The following ARPC5 variants were observed in gnomAD, a reference collection of about 807,000 sequenced individuals.
ARPC5 encodes the protein actin related protein 2/3 complex subunit 5.
In ARPC5, 5 loss-of-function variants were observed where a neutral mutation model predicts 15.4. The ratio of observed to expected loss-of-function variants is 0.32; its 90% CI spans 0.17 to 0.68. The LOEUF (loss-of-function observed/expected upper bound fraction) is 0.68, where lower values mean the gene tolerates loss of function less well. Among genes scored for constraint, ARPC5 ranks in the 30% least tolerant of loss-of-function variants. The pLI, the probability that ARPC5 is intolerant of heterozygous loss-of-function variation, is 0.71. For missense variants in ARPC5, 138 were observed against 192.8 expected, an observed-to-expected ratio of 0.72 and a Z score of 1.68; for synonymous variants, 85 against 72.2, an observed-to-expected ratio of 1.18 and a Z score of -0.90.
At chr1:183,635,246 G>A (rs926122460) in intron 1 of ARPC5, among the ~76,000 whole-genome samples, 4 of 152,248 alleles carry the variant, frequency 2.6e-5, no homozygotes, top group Non-Finnish European at 4.4e-5. Flanking sequence ...CAGGCACTCG[G>A]GTGCAACCTG....
rs3068220 is a variant in ARPC5 at position 183,628,172 on chromosome 1, C to CAAAAAAAAAAAAAAAAAA, written c.394-596_394-579dup. Among the ~76,000 whole-genome samples the CAAAAAAAAAAAAAAAAAA allele has an allele frequency of 4.3e-5, 2 of 46,044 alleles. 1 individual carries two copies. The highest frequency in any genetic ancestry group is 9.6e-5 in the Non-Finnish European group (2 of 20,804). 30.2% of individuals were successfully genotyped at this position (46,044 alleles called of 152,430 possible). On this transcript the variant is annotated intron_variant, in intron 3 of 3. Transcript: ENST00000359856. ...TGGGCGACAGAGCAAGACTCCGTCT[C>CAAAAAAAAAAAAAAAAAA]AAAAAAAAAAAAAAAAAAAAAAAAA...
rs1648969243 is a variant in ARPC5, at chr1:183,622,608, TAGA to T, written c.*4921_*4923del. ...GGGTATTGGGTCACATCTCTGCTCT[TAGA>T]AGGTGATGCCACAGAATAATGAACA... On this transcript the variant is annotated 3_prime_UTR_variant, in exon 4 of 4. Coordinates refer to ENST00000359856, the MANE Select transcript of ARPC5 (RefSeq NM_005717.4). 2 of 152,250 alleles carry T rather than the reference TAGA, an allele frequency of 1.3e-5. No homozygotes were observed. Among genetic ancestry groups the T allele is most frequent in the African/African-American group, 2.4e-5 (1 of 41,464 alleles). 9.4% of individuals were successfully genotyped at this position (152,250 alleles called of 1,614,324 possible). A position where few individuals can be genotyped will look rare whatever the true frequency, so the allele number is the denominator to read the frequency against.
intron 2 of ARPC5, 68 bp downstream of exon 2, chr1:183,633,014 C>A: frequency 1.7e-6 from 2 of 1,169,624 alleles, no homozygotes; most frequent in Non-Finnish European, 2.4e-6. Flanking sequence ...TTTTTTTTTG[C>A]AACTGCAGAG....
rs1649090409 is a variant in ARPC5 at position 183,626,214 on chromosome 1, T to C, written c.*1318A>G. ...AAAATAAATTATTCAACACTGACATTTTATTTTCTGAAGTTTTATCATTTT... is the reference window on the plus strand; with the variant it reads ...AAAATAAATTATTCAACACTGACATCTTATTTTCTGAAGTTTTATCATTTT... On this transcript the variant is annotated 3_prime_UTR_variant, in exon 4 of 4. Transcript: ENST00000359856. 1 of 152,240 alleles carries C rather than the reference T, an allele frequency of 6.6e-6. No homozygotes were observed. Among genetic ancestry groups the C allele is most frequent in the Non-Finnish European group, 1.5e-5 (1 of 68,048 alleles). The allele number at this position is 152,240 out of a possible 1,614,324, so 9.4% of individuals were successfully genotyped here. A position where few individuals can be genotyped will look rare whatever the true frequency, so the allele number is the denominator to read the frequency against.
At position 183,621,807 on chromosome 1, in the gene ARPC5, C is replaced by T. The variant is rs1648945483; in HGVS notation, c.*5725G>A. 6.6e-6 allele frequency: 1 copy of T among 152,204 alleles called. No homozygotes were observed. Among genetic ancestry groups the T allele is most frequent in the Admixed American group, 6.5e-5 (1 of 15,278 alleles). 9.4% of individuals were successfully genotyped at this position (152,204 alleles called of 1,614,324 possible). ...AGGCAGAGGTCACTTTCATTGCCAT[C>T]TTGGATTTGGTGGGTTTTGGCCAGC... On this transcript the variant is annotated 3_prime_UTR_variant, in exon 4 of 4. Coordinates refer to ENST00000359856, the MANE Select transcript of ARPC5 (RefSeq NM_005717.4).
chr1:183,632,433 GAA>G (rs996115402), intron 2 of ARPC5: 6 of 150,436 alleles, frequency 4.0e-5, no homozygotes, highest in African/African-American at 1.5e-4. Flanking sequence ...TTTACAATAG[GAA>G]AAAAAAAGTC....
rs1649230809 is a variant in ARPC5, at chr1:183,630,501, G to T, written c.353C>A (p.Ser118Tyr). ...CAGTAACATAGCACTGCTATTGTCA[G>T]ACGGGCTCTCAAATCCTTTATAAAT... ...KYIYKGFESP[S>Y]DNSSAMLLQW... is the part of the protein sequence containing the mutation. Residue 118 changes from serine (S) to tyrosine (Y), a missense_variant, in exon 3 of 4, where the codon TCT becomes TAT. Transcript: ENST00000359856. The T allele has an allele frequency of 1.2e-6, 2 of 1,613,632 alleles. No homozygotes were observed. The highest frequency in any genetic ancestry group is 1.3e-5 in the African/African-American group (1 of 74,916).
Position 183,627,710 on chromosome 1 carries a change from A to C in ARPC5, c.394-116T>G. On this transcript the variant is annotated intron_variant, in intron 3 of 3. Coordinates refer to ENST00000359856, the MANE Select transcript of ARPC5 (RefSeq NM_005717.4). ...CACTGCTATAGACCCTGAATTTATT[A>C]GTTAACAAATAATAAATTCTTGAGC... 3.7e-6 allele frequency: 3 copies of C among 800,990 alleles called. No homozygotes were observed. In the South Asian group the frequency reaches 4.3e-5, roughly 12 times the overall value. The allele number at this position is 800,990 out of a possible 1,614,324, so 49.6% of individuals were successfully genotyped here.
chr1:183,632,997 A>G (rs1476775220), intron 2 of ARPC5, 85 bp downstream of exon 2: 9 of 1,053,054 alleles, frequency 8.5e-6, no homozygotes, highest in Non-Finnish European at 1.4e-6. Flanking sequence ...AACAGTTAAA[A>G]TATTGATTTT....
Position 183,623,504 on chromosome 1 carries a change from C to T in ARPC5, c.*4028G>A. ...GAACGTTTTCACATTGGGGTTTTCA[C>T]ATATTGTACTAGTGACATTGGGGTG... On this transcript the variant is annotated 3_prime_UTR_variant, in exon 4 of 4. Coordinates refer to ENST00000359856, the MANE Select transcript of ARPC5 (RefSeq NM_005717.4). 3 of 1,550,146 alleles carry T rather than the reference C, an allele frequency of 1.9e-6. No homozygotes were observed. Among genetic ancestry groups the T allele is most frequent in the Non-Finnish European group, 2.6e-6 (3 of 1,146,800 alleles).
Position 183,623,382 on chromosome 1 carries a change from G to A in ARPC5, c.*4150C>T. ...TGCTTGTGGTTGGATCATCAATGTG[G>A]TGAAGTAGCACCACCTTGAGGCAGA... On this transcript the variant is annotated 3_prime_UTR_variant, in exon 4 of 4. Coordinates refer to ENST00000359856, the MANE Select transcript of ARPC5 (RefSeq NM_005717.4). 1.3e-6 allele frequency: 2 copies of A among 1,546,958 alleles called. No individual in the cohort carries two copies. The highest frequency in any genetic ancestry group is 1.4e-5 in the African/African-American group (1 of 73,076).
rs763931266 is a variant in ARPC5 at position 183,623,886 on chromosome 1, G to A, written c.*3646C>T. 2.8e-5 allele frequency: 6 copies of A among 212,570 alleles called. No individual in the cohort carries two copies. Among genetic ancestry groups the A allele is most frequent in the Admixed American group, 5.4e-5 (1 of 18,630 alleles). 13.2% of individuals were successfully genotyped at this position (212,570 alleles called of 1,614,324 possible). A position where few individuals can be genotyped will look rare whatever the true frequency, so the allele number is the denominator to read the frequency against. ...AAAAATACAAAAATTAGCTGGGCACGGTGATGCGTGCCTGTAATCCGAGCT... is the reference window on the plus strand; with the variant it reads ...AAAAATACAAAAATTAGCTGGGCACAGTGATGCGTGCCTGTAATCCGAGCT... On this transcript the variant is annotated 3_prime_UTR_variant, in exon 4 of 4. Transcript: ENST00000359856.
In ARPC5 at chr1:183,623,502, C is replaced by T; in HGVS notation, c.*4030G>A. The T allele has an allele frequency of 1.3e-6, 2 of 1,550,132 alleles. No individual in the cohort carries two copies. Among genetic ancestry groups the T allele is most frequent in the South Asian group, 2.4e-5 (2 of 84,044 alleles). On this transcript the variant is annotated 3_prime_UTR_variant, in exon 4 of 4. Transcript: ENST00000359856. ...CAGAACGTTTTCACATTGGGGTTTT[C>T]ACATATTGTACTAGTGACATTGGGG...
intron 3 of ARPC5, among the ~76,000 whole-genome samples, chr1:183,627,931 T>C (rs1180219584): frequency 6.6e-6 from 1 of 151,836 alleles, no homozygotes; most frequent in Non-Finnish European, 1.5e-5. Flanking sequence ...CCCAGCACTT[T>C]GGGAGGCCGA....
At chr1:183,630,413 C>T (rs1649227728) in intron 3 of ARPC5, 48 bp downstream of exon 3, 2 of 1,420,986 alleles carry the variant, frequency 1.4e-6, no homozygotes, top group East Asian at 2.4e-5. Flanking sequence ...CATTGTCATT[C>T]CCTATTGTAA....
Position 183,623,237 on chromosome 1 carries a change from G to A in ARPC5, c.*4295C>T, listed in dbSNP as rs1648986561. 1.6e-6 allele frequency: 1 copy of A among 625,688 alleles called. No individual in the cohort carries two copies. The highest frequency in any genetic ancestry group is 2.8e-5 in the Admixed American group (1 of 35,928). 38.8% of individuals were successfully genotyped at this position (625,688 alleles called of 1,614,324 possible). On this transcript the variant is annotated 3_prime_UTR_variant, in exon 4 of 4. Coordinates refer to ENST00000359856, the MANE Select transcript of ARPC5 (RefSeq NM_005717.4). Reference sequence around the variant, plus strand: ...CATGTGGTGTGGATTCTAGGGAACTGTTTCAGAGAGAAATAAGAGATGTAA... The same window carrying A: ...CATGTGGTGTGGATTCTAGGGAACTATTTCAGAGAGAAATAAGAGATGTAA...
chr1:183,627,377 T>C lies in ARPC5; in HGVS notation c.*155A>G. The C allele has an allele frequency of 1.4e-6, 1 of 691,334 alleles. No individual in the cohort carries two copies. Among genetic ancestry groups the C allele is most frequent in the Non-Finnish European group, 2.6e-6 (1 of 379,388 alleles). The allele number at this position is 691,334 out of a possible 1,614,324, so 42.8% of individuals were successfully genotyped here. On this transcript the variant is annotated 3_prime_UTR_variant, in exon 4 of 4. Transcript: ENST00000359856. ...ATCCCAATTTTCATTAAAGGACAAC[T>C]GATATGTAATTTTTTTCTTTACAGA...
At chr1:183,634,454 A>T (rs1649368588) in intron 1 of ARPC5, among the ~76,000 whole-genome samples, 1 of 152,202 alleles carries the variant, frequency 6.6e-6, no homozygotes, top group African/African-American at 2.4e-5. Flanking sequence ...CATTGTTGAG[A>T]GTCTTCCTTA....
chr1:183,630,935 T>C (rs746250496), intron 2 of ARPC5: 4 of 254,312 alleles, frequency 1.6e-5, no homozygotes, highest in Non-Finnish European at 3.0e-5. Context: ...CCTACAGGCA[T>C]TGTAAGGAGT....
Sources: allele counts gnomAD v4.1 joint callset (sites outside exome capture counted in the v4.1 genomes callset), GRCh38; gene constraint gnomAD v4.1.1; transcripts MANE v1.5; gene names NCBI Gene and HGNC (gene_info 2026-07-23, HGNC 2026-07-21).